WDR37: variants seen among roughly 807,000 people sequenced by gnomAD.
WDR37 encodes WD repeat-containing protein 37.
A neutral mutation model predicts 62.9 loss-of-function variants in WDR37; 19 were observed. The observed-to-expected ratio is 0.30, with a 90% CI of 0.21 to 0.44. WDR37 has a LOEUF of 0.44. Ranked by LOEUF, WDR37 falls within the 20% of genes least tolerant of loss-of-function variation. The probability of loss-of-function intolerance (pLI) is 1.00; values close to 1 mark genes in which losing one functional copy is unlikely to be tolerated. For synonymous variants in WDR37, 250 were observed against 260.9 expected, an observed-to-expected ratio of 0.96 and a Z score of 0.40; for missense variants, 474 against 657.6, an observed-to-expected ratio of 0.72 and a Z score of 3.05.
intron 9 of WDR37, among the ~76,000 whole-genome samples, chr10:1,098,673 T>C (rs1834684002): frequency 6.6e-6 from 1 of 152,200 alleles, no homozygotes; most frequent in African/African-American, 2.4e-5. Flanking sequence ...CGCGGCAGGA[T>C]GGCGGTGCCA....
In WDR37 at chr10:1,081,267, ATTGT is replaced by A. The variant is rs1188702420; in HGVS notation, c.396+795_396+798del. 3.3e-5 allele frequency among the ~76,000 whole-genome samples: 5 copies of A among 152,226 alleles called. No individual in the cohort carries two copies. The East Asian group carries it at 9.6e-4, about 29-fold the overall frequency. ...ACCTTCTTAAAGTGGAAAGGGTTTA[ATTGT>A]TTGGGAATTCATTTGTCTGTGATGG... On this transcript the variant is annotated intron_variant, in intron 5 of 13. Coordinates refer to ENST00000263150, the MANE Select transcript of WDR37 (RefSeq NM_014023.4).
intron 5 of WDR37, among the ~76,000 whole-genome samples, chr10:1,082,324 C>A (rs1330114732): frequency 6.6e-6 from 1 of 152,102 alleles, no homozygotes; most frequent in Admixed American, 6.6e-5. Flanking sequence ...GTTACGTGAA[C>A]GCAGAAGAGG....
intron 3 of WDR37, among the ~76,000 whole-genome samples, chr10:1,078,787 T>C (rs1243596369): frequency 6.6e-6 from 1 of 152,190 alleles, no homozygotes; most frequent in Non-Finnish European, 1.5e-5. Context: ...AGTGCTGGGA[T>C]TATAGGTGTG....
chr10:1,095,808 C>T (rs992124383), intron 8 of WDR37, among the ~76,000 whole-genome samples: 2 of 152,176 alleles, frequency 1.3e-5, no homozygotes, highest in Non-Finnish European at 1.5e-5. Flanking sequence ...CTTTCCCGAA[C>T]GTCTCAGAGT....
chr10:1,124,657 AGTGTGTGTGTGTGTGTGT>A (rs10522293), intron 12 of WDR37, among the ~76,000 whole-genome samples: 1 of 149,182 alleles, frequency 6.7e-6, no homozygotes, highest in Non-Finnish European at 1.5e-5. Flanking sequence ...ACCATTGAGC[AGTGTGTGTGTGTGTGTGT>A]GTGTGTGTGT....
intron 11 of WDR37, among the ~76,000 whole-genome samples, chr10:1,112,092 G>A (rs949704632): frequency 4.6e-5 from 7 of 152,230 alleles, no homozygotes; most frequent in South Asian, 2.1e-4. Context: ...ATTGCACTCC[G>A]TAGATTGATG....
At chr10:1,066,166 A>G (rs1833533693) in intron 1 of WDR37, among the ~76,000 whole-genome samples, 1 of 152,066 alleles carries the variant, frequency 6.6e-6, no homozygotes, top group African/African-American at 2.4e-5. Flanking sequence ...CCCAGGTTGG[A>G]GTGCAGTGGC....
At position 1,103,471 on chromosome 10, in the gene WDR37, C is replaced by T; in HGVS notation, c.727-131C>T. 1.1e-6 allele frequency: 1 copy of T among 952,018 alleles called. No homozygotes were observed. The highest frequency in any genetic ancestry group is 1.6e-6 in the Non-Finnish European group (1 of 633,626). 59.0% of individuals were successfully genotyped at this position (952,018 alleles called of 1,614,324 possible). On this transcript the variant is annotated intron_variant, in intron 9 of 13. Transcript: ENST00000263150. This position sits in a 1 kb window ranked among gnomAD's most constrained non-coding sequence, Gnocchi z 6.3. ...TCATCACTGTGGCCAGCACCAGGCTCCTAGTGGTGACCATCATGATGGATA... is the reference window on the plus strand; with the variant it reads ...TCATCACTGTGGCCAGCACCAGGCTTCTAGTGGTGACCATCATGATGGATA...
chr10:1,072,124 A>T lies in WDR37; in HGVS notation c.-32A>T. ...TTTCTTGCTGTTTTTAGCTTATTGC[A>T]GGAGTGACCAGGACACTACCTCCTA... On this transcript the variant is annotated 5_prime_UTR_variant, in exon 2 of 14. Transcript: ENST00000263150. 6.2e-7 allele frequency: 1 copy of T among 1,611,338 alleles called. No homozygotes were observed. Among genetic ancestry groups the T allele is most frequent in the East Asian group, 2.2e-5 (1 of 44,822 alleles).
At chr10:1,107,306 CG>C (rs1183494864) in intron 11 of WDR37, among the ~76,000 whole-genome samples, 1 of 5,830 alleles carries the variant, frequency 1.7e-4, no homozygotes, top group African/African-American at 8.5e-4. Context: ...CTGTGTAGGG[CG>C]GGGCAGAGGG....
intron 6 of WDR37, among the ~76,000 whole-genome samples, chr10:1,085,225 G>A (rs1047583661): frequency 1.3e-5 from 2 of 152,112 alleles, no homozygotes; most frequent in Admixed American, 1.3e-4. Context: ...GCCTGCCTTG[G>A]GCTCCCAAAG....
intron 1 of WDR37, among the ~76,000 whole-genome samples, chr10:1,069,642 G>A (rs962711393): frequency 6.6e-6 from 1 of 151,706 alleles, no homozygotes; most frequent in Non-Finnish European, 1.5e-5. Flanking sequence ...AGGAGTTGAG[G>A]GATGGTGCCA....
Position 1,096,208 on chromosome 10 carries a change from G to C in WDR37, c.688G>C (p.Val230Leu), listed in dbSNP as rs751117110. The change falls in exon 9 of 14, where the codon GTG becomes CTG. Residue 230 changes from valine to leucine, a missense_variant. By Grantham distance (32) the Val-to-Leu change is conservative. Coordinates refer to ENST00000263150, the MANE Select transcript of WDR37 (RefSeq NM_014023.4). Reference protein sequence around the residue: ...DQTAHIWRYAVQLPTPQPVAD... With the variant: ...DQTAHIWRYALQLPTPQPVAD... ...GACTGCTCATATCTGGAGATACGCG[G>C]TGCAGCTGCCGACACCCCAGCCTGT... 6 of 1,614,128 alleles carry C rather than the reference G, an allele frequency of 3.7e-6. No individual in the cohort carries two copies. Among genetic ancestry groups the C allele is most frequent in the Non-Finnish European group, 5.1e-6 (6 of 1,180,016 alleles).
intron 7 of WDR37, among the ~76,000 whole-genome samples, chr10:1,086,755 G>A (rs975380590): frequency 4.6e-5 from 7 of 152,230 alleles, no homozygotes; most frequent in African/African-American, 1.4e-4. Context: ...TTGCGTGCCC[G>A]TAGTTAATGC....
In WDR37 at chr10:1,096,533, C is replaced by T. The variant is rs529215975; in HGVS notation, c.726+287C>T. On this transcript the variant is annotated intron_variant, in intron 9 of 13. Coordinates refer to ENST00000263150, the MANE Select transcript of WDR37 (RefSeq NM_014023.4). ...CGTAAGAGCAGAGCCAGAGGGCGGC[C>T]GTCTTTAAGGATGAGCCCGCACCAG... is the stretch of plus-strand genomic sequence containing the variant. 1.2e-4 allele frequency: 52 copies of T among 422,102 alleles called. No homozygotes were observed. The East Asian group carries it at 1.8e-3, about 15-fold the overall frequency. The allele number at this position is 422,102 out of a possible 1,614,324, so 26.1% of individuals were successfully genotyped here. A position where few individuals can be genotyped will look rare whatever the true frequency, so the allele number is the denominator to read the frequency against.
intron 11 of WDR37, among the ~76,000 whole-genome samples, chr10:1,112,347 T>C (rs756408307): frequency 1.3e-5 from 2 of 152,230 alleles, no homozygotes; most frequent in Non-Finnish European, 2.9e-5. Context: ...CGATAAATCG[T>C]GTGTGTTCCG....
At chr10:1,084,264 C>T (rs548427635) in intron 5 of WDR37, 139 bp from the exon 6 acceptor site, 29 of 1,135,158 alleles carry the variant, frequency 2.6e-5, no homozygotes, top group Admixed American at 5.1e-5. Context: ...CTCACACTTG[C>T]GCTGTGTTCC....
rs375902624 is a variant in WDR37, at chr10:1,103,857, C to T, written c.961+21C>T. 46 of 1,611,110 alleles carry T rather than the reference C, an allele frequency of 2.9e-5. No homozygotes were observed. The African/African-American group carries it at 3.7e-4, about 13-fold the overall frequency. Reference sequence around the variant, plus strand: ...GACAGGTGCCTGGGTTCTCTGAGTCCGCCGCCTCCTGGCTGTGCATGTTAG... The same window carrying T: ...GACAGGTGCCTGGGTTCTCTGAGTCTGCCGCCTCCTGGCTGTGCATGTTAG... On this transcript the variant is annotated intron_variant, in intron 10 of 13. Transcript: ENST00000263150. The surrounding 1 kb of genome is among the most constrained non-coding windows in gnomAD (Gnocchi z 6.3).
intron 4 of WDR37, 127 bp from the exon 5 acceptor site, chr10:1,080,285 G>A (rs1564500329): frequency 3.3e-5 from 43 of 1,315,500 alleles, no homozygotes; most frequent in Non-Finnish European, 4.5e-5. Context: ...CCATGGCTCT[G>A]TGTCACTAGG....
Sources: gnomAD v4.1 joint callset for allele counts (sites outside exome capture counted in the v4.1 genomes callset) on GRCh38, gnomAD v4.1.1 for gene constraint, Gnocchi (gnomAD v3.1) non-coding constraint, MANE v1.5 for transcripts, NCBI Gene and HGNC (gene_info 2026-07-23, HGNC 2026-07-21) for gene names.